NPAS3: variants seen among roughly 807,000 people sequenced by gnomAD.
NPAS3 encodes the protein neuronal PAS domain protein 3.
Under a neutral mutation model 73.1 loss-of-function variants are expected in NPAS3, and 14 were observed. The ratio of observed to expected loss-of-function variants is 0.19; its 90% CI spans 0.13 to 0.30. NPAS3 has a LOEUF of 0.30. Among genes scored for constraint, NPAS3 ranks in the 10% least tolerant of loss-of-function variants. The pLI is 1.00. For missense variants in NPAS3, 1,096 were observed against 1,250.0 expected (o/e 0.88, Z 1.86); for synonymous variants, 620 against 541.5 (o/e 1.14, Z -2.01).
chr14:33,584,695 A>T (rs1364301148), intron 5 of NPAS3, among the ~76,000 whole-genome samples: 1 of 152,188 alleles, frequency 6.6e-6, no homozygotes, highest in Non-Finnish European at 1.5e-5. Flanking sequence ...ACCCAGATTG[A>T]AAGGTAACTC....
chr14:32,969,093 C>T (rs2037313566), intron 1 of NPAS3, among the ~76,000 whole-genome samples: 1 of 152,114 alleles, frequency 6.6e-6, no homozygotes, highest in South Asian at 2.1e-4. Flanking sequence ...TAAAATGGCT[C>T]AACACATGTG....
chr14:33,073,990 G>A (rs2041573237), intron 2 of NPAS3, among the ~76,000 whole-genome samples: 1 of 152,354 alleles, frequency 6.6e-6, no homozygotes, highest in Admixed American at 6.5e-5. Flanking sequence ...CTCCTGACTT[G>A]TGAAAGTGAT....
chr14:33,344,773 A>G (rs545360566), intron 3 of NPAS3, among the ~76,000 whole-genome samples: 2 of 152,192 alleles, frequency 1.3e-5, no homozygotes, highest in South Asian at 2.1e-4. Flanking sequence ...CATGCCTTTT[A>G]TAAGTCAGTA....
intron 3 of NPAS3, among the ~76,000 whole-genome samples, chr14:33,347,597 A>G (rs1179883188): frequency 6.6e-6 from 1 of 152,226 alleles, no homozygotes; most frequent in Non-Finnish European, 1.5e-5. Flanking sequence ...GTCGGAGCCC[A>G]GAGAATAGTA....
Position 33,317,535 on chromosome 14 carries a change from C to A in NPAS3, c.386-49651C>A, listed in dbSNP as rs116856879. Reference sequence around the variant, plus strand: ...TAATCCTCCCATGTTGTGGGAGGGACCTGGTGAGAGGTAGTTGAATTGTGG... The same window carrying A: ...TAATCCTCCCATGTTGTGGGAGGGAACTGGTGAGAGGTAGTTGAATTGTGG... On this transcript the variant is annotated intron_variant, in intron 3 of 11. Coordinates refer to ENST00000356141, the Ensembl canonical transcript of NPAS3. 2.0e-5 allele frequency among the ~76,000 whole-genome samples: 3 copies of A among 152,034 alleles called. No individual in the cohort carries two copies. In the South Asian group the frequency reaches 6.2e-4, roughly 32 times the overall value.
chr14:33,747,275 C>A (rs969303431), intron 7 of NPAS3, among the ~76,000 whole-genome samples: 2 of 152,146 alleles, frequency 1.3e-5, no homozygotes, highest in Non-Finnish European at 2.9e-5. Flanking sequence ...ATGATGAGTT[C>A]ATGTCCTTTG....
At chr14:33,719,472 C>T (rs571504663) in intron 6 of NPAS3, among the ~76,000 whole-genome samples, 23 of 152,294 alleles carry the variant, frequency 1.5e-4, no homozygotes, top group African/African-American at 5.5e-4. Flanking sequence ...ATATATTCCA[C>T]TGTAAATGTT....
chr14:33,673,511 A>G (rs540897220), intron 5 of NPAS3, among the ~76,000 whole-genome samples: 1 of 152,348 alleles, frequency 6.6e-6, no homozygotes, highest in Admixed American at 6.5e-5. Flanking sequence ...ACAATAATAT[A>G]CATTTCTTCA....
At chr14:33,302,352 C>T (rs948789595) in intron 3 of NPAS3, among the ~76,000 whole-genome samples, 7 of 152,072 alleles carry the variant, frequency 4.6e-5, no homozygotes, top group South Asian at 2.1e-4. Context: ...GATGACATAC[C>T]TAGTCCTGCA....
chr14:33,711,700 G>C (rs959692777), intron 6 of NPAS3, among the ~76,000 whole-genome samples: 26 of 152,214 alleles, frequency 1.7e-4, no homozygotes, highest in African/African-American at 6.3e-4. Flanking sequence ...TCCCAGCTAG[G>C]GGGTGTGGAC....
chr14:33,416,257 A>G (rs1342774225), intron 4 of NPAS3, among the ~76,000 whole-genome samples: 1 of 152,076 alleles, frequency 6.6e-6, no homozygotes, highest in South Asian at 2.1e-4. Context: ...AGAACAAGGT[A>G]TTGAAGAACA....
rs2139059569 is a variant in NPAS3, at chr14:33,423,677, G to A, written c.468+56409G>A. Among the ~76,000 whole-genome samples, 2 of 152,048 alleles carry A rather than the reference G, an allele frequency of 1.3e-5. 1 individual carries two copies. The highest frequency in any genetic ancestry group is 4.1e-4 in the South Asian group (2 of 4,832). On this transcript the variant is annotated intron_variant, in intron 4 of 11. Transcript: ENST00000356141. ...GCAGTGAGAGATTCATTGGGAACAAGAAGAAGTAAAGTTCTTCATGTATAT... is the reference window on the plus strand; with the variant it reads ...GCAGTGAGAGATTCATTGGGAACAAAAAGAAGTAAAGTTCTTCATGTATAT...
chr14:32,993,689 T>C (rs1185939361), intron 1 of NPAS3, among the ~76,000 whole-genome samples: 1 of 152,256 alleles, frequency 6.6e-6, no homozygotes, highest in Non-Finnish European at 1.5e-5. Context: ...TGACAGATTA[T>C]GGTTTTTATT....
At chr14:33,599,609 A>T (rs1267416130) in intron 5 of NPAS3, among the ~76,000 whole-genome samples, 1 of 152,166 alleles carries the variant, frequency 6.6e-6, no homozygotes, top group East Asian at 1.9e-4. Context: ...TCTACTGTAA[A>T]ACTGAGTGCT....
intron 2 of NPAS3, among the ~76,000 whole-genome samples, chr14:33,086,648 T>G (rs1244530254): frequency 6.6e-6 from 1 of 152,202 alleles, no homozygotes; most frequent in Non-Finnish European, 1.5e-5. Flanking sequence ...TTGTGCCAGA[T>G]ACCCTTTATT....
intron 1 of NPAS3, among the ~76,000 whole-genome samples, chr14:32,994,474 T>TC (rs1413693176): frequency 6.6e-6 from 1 of 152,140 alleles, no homozygotes; most frequent in Non-Finnish European, 1.5e-5. Flanking sequence ...AATTTTTTTT[T>TC]CATGATGGAT....
intron 1 of NPAS3, among the ~76,000 whole-genome samples, chr14:33,049,141 T>C (rs895649869): frequency 6.6e-6 from 1 of 152,238 alleles, no homozygotes; most frequent in African/African-American, 2.4e-5. Context: ...TTGATATACC[T>C]GCACAATGAA....
chr14:33,207,494 CA>C (rs2046875203), intron 2 of NPAS3, among the ~76,000 whole-genome samples: 1 of 152,104 alleles, frequency 6.6e-6, no homozygotes. Flanking sequence ...CCTTCAAGTA[CA>C]ATATTTTACC....
chr14:33,268,358 A>C (rs562341834), intron 3 of NPAS3, among the ~76,000 whole-genome samples: 2 of 152,280 alleles, frequency 1.3e-5, no homozygotes, highest in East Asian at 1.9e-4. Flanking sequence ...TCTCCATAGA[A>C]GATTTTGTAA....
Sources: allele counts gnomAD v4.1 joint callset (sites outside exome capture counted in the v4.1 genomes callset), GRCh38; gene constraint gnomAD v4.1.1; transcripts MANE v1.5; gene names NCBI Gene and HGNC (gene_info 2026-07-23, HGNC 2026-07-21).